GNG4: variants seen among roughly 807,000 people sequenced by gnomAD.
GNG4 encodes guanine nucleotide-binding protein G(I)/G(S)/G(O) subunit gamma-4.
In GNG4, 4 loss-of-function variants were observed where a neutral mutation model predicts 5.8. The observed-to-expected ratio is 0.69, with a 90% CI of 0.34 to 1.57. GNG4 has a LOEUF of 1.57. Among genes scored for constraint, GNG4 ranks in the 40% most tolerant of loss-of-function variants. The pLI is 0.06. For missense variants in GNG4, 96 were observed against 95.1 expected (o/e 1.01, Z -0.04); for synonymous variants, 29 against 32.9 (o/e 0.88, Z 0.41).
chr1:235,563,105 T>C (rs2102919615), intron 3 of GNG4, among the ~76,000 whole-genome samples: 1 of 152,210 alleles, frequency 6.6e-6, no homozygotes, highest in Admixed American at 6.5e-5. Context: ...TGTTCCATGG[T>C]CTTTATTTCT....
At chr1:235,601,212 A>G (rs1481179034) in intron 1 of GNG4, among the ~76,000 whole-genome samples, 1 of 152,218 alleles carries the variant, frequency 6.6e-6, no homozygotes, top group East Asian at 1.9e-4. Flanking sequence ...GTGGGCTGAC[A>G]TCTGAAATAC....
intron 2 of GNG4, among the ~76,000 whole-genome samples, chr1:235,589,645 TGGGACATCAG>T (rs1206866725): frequency 2.5e-4 from 38 of 152,266 alleles, no homozygotes; most frequent in East Asian, 1.2e-3. Context: ...TCCTCCTCAA[TGGGACATCAG>T]GGGAAATCTG....
At chr1:235,564,826 C>A (rs928476603) in intron 3 of GNG4, among the ~76,000 whole-genome samples, 1 of 152,184 alleles carries the variant, frequency 6.6e-6, no homozygotes, top group Admixed American at 6.5e-5. Flanking sequence ...GCTGGGACCA[C>A]AGGCGTGTGC....
Position 235,642,438 on chromosome 1 carries a change from A to G in GNG4, c.-123+7224T>C, listed in dbSNP as rs1004412710. On this transcript the variant is annotated intron_variant, in intron 1 of 3. Transcript: ENST00000391854. The surrounding 1 kb of genome is among the most constrained non-coding windows in gnomAD (Gnocchi z 4.3). Reference sequence around the variant, plus strand: ...GATTCCCCGACGTGGGCCTGCAGCAAGAGACGGGTGCTAACAGCGTCCGAG... The same window carrying G: ...GATTCCCCGACGTGGGCCTGCAGCAGGAGACGGGTGCTAACAGCGTCCGAG... Among the ~76,000 whole-genome samples, 1 of 152,212 alleles carries G rather than the reference A, an allele frequency of 6.6e-6. No individual in the cohort carries two copies. Among genetic ancestry groups the G allele is most frequent in the Non-Finnish European group, 1.5e-5 (1 of 68,028 alleles).
intron 1 of GNG4, among the ~76,000 whole-genome samples, chr1:235,637,343 G>T (rs891683555): frequency 6.6e-6 from 1 of 152,094 alleles, no homozygotes; most frequent in Non-Finnish European, 1.5e-5. Flanking sequence ...GAAGATGGGG[G>T]ATGCTTTATA....
intron 1 of GNG4, among the ~76,000 whole-genome samples, chr1:235,613,298 T>C (rs1688520903): frequency 6.6e-6 from 1 of 152,214 alleles, no homozygotes; most frequent in Admixed American, 6.5e-5. Flanking sequence ...ACATATAGCA[T>C]CTTAACTGGT....
chr1:235,622,104 C>T (rs766086789), intron 1 of GNG4, among the ~76,000 whole-genome samples: 17 of 152,190 alleles, frequency 1.1e-4, no homozygotes, highest in Non-Finnish European at 1.8e-4. Context: ...AAAAATGAAA[C>T]GAAATAAAAT....
At chr1:235,580,236 G>C (rs747314715) in intron 3 of GNG4, among the ~76,000 whole-genome samples, 4 of 152,216 alleles carry the variant, frequency 2.6e-5, no homozygotes, top group Non-Finnish European at 4.4e-5. Flanking sequence ...GAAAAAGGTA[G>C]AACGGTGGTC....
chr1:235,563,923 C>G (rs1687130862), intron 3 of GNG4, among the ~76,000 whole-genome samples: 1 of 152,088 alleles, frequency 6.6e-6, no homozygotes, highest in Non-Finnish European at 1.5e-5. Context: ...AGTGCTGTTC[C>G]CAGAAGATGA....
At chr1:235,593,499 G>A (rs952718995) in intron 2 of GNG4, among the ~76,000 whole-genome samples, 7 of 152,216 alleles carry the variant, frequency 4.6e-5, no homozygotes, top group African/African-American at 1.2e-4. Flanking sequence ...CGGCCTTCCG[G>A]ACAATGCCCA....
At chr1:235,649,855 AG>A (rs1657624183), upstream of GNG4, 1 of 142,024 alleles carries the variant, frequency 7.0e-6, no homozygotes, top group South Asian at 2.3e-4. The surrounding 1 kb of genome is among the most constrained non-coding windows in gnomAD (Gnocchi z 5.7). Flanking sequence ...CCCGCCCTGC[AG>A]GGCCCGACCA....
intron 1 of GNG4, among the ~76,000 whole-genome samples, chr1:235,641,434 T>C (rs1657325408): frequency 6.7e-6 from 1 of 149,440 alleles, no homozygotes; most frequent in South Asian, 2.1e-4. Flanking sequence ...CTCACGCCCG[T>C]AATCCCAGCA....
rs140552829 is a variant in GNG4, at chr1:235,631,486, C to A, written c.-123+18176G>T. ...GGCTGGTGGGCATTGATGCTCTGAG[C>A]GGAGGCTCGGTGCCTGGACCCTAAA... On this transcript the variant is annotated intron_variant, in intron 1 of 3. Transcript: ENST00000391854. Among the ~76,000 whole-genome samples the A allele has an allele frequency of 5.4e-3, 823 of 152,274 alleles. 10 individuals carry two copies. Among genetic ancestry groups the A allele is most frequent in the African/African-American group, 0.019 (796 of 41,564 alleles).
chr1:235,643,555 G>A (rs990389554), intron 1 of GNG4, among the ~76,000 whole-genome samples: 9 of 152,158 alleles, frequency 5.9e-5, no homozygotes, highest in Non-Finnish European at 1.3e-4. Context: ...TTTATTGCAG[G>A]TGCTTATCAC....
rs546307384 is a variant in GNG4 at position 235,614,061 on chromosome 1, C to T, written c.-122-18550G>A. 2.0e-5 allele frequency among the ~76,000 whole-genome samples: 3 copies of T among 152,324 alleles called. No individual in the cohort carries two copies. In the South Asian group the frequency reaches 6.2e-4, roughly 32 times the overall value. On this transcript the variant is annotated intron_variant, in intron 1 of 3. Coordinates refer to ENST00000391854, the MANE Select transcript of GNG4 (RefSeq NM_001098722.2). The stretch of plus-strand genomic sequence containing the variant: ...ATCCTGAGCTCAAGTGATCTGCCTG[C>T]CTCAGCCTTCCAAAGTGTTGGAATT...
intron 1 of GNG4, among the ~76,000 whole-genome samples, chr1:235,602,862 C>T (rs17547995): frequency 0.3 from 45,206 of 152,026 alleles, 7,131 homozygotes; most frequent in South Asian, 0.39. Flanking sequence ...GAAAAATTGG[C>T]TTTGAATTGT....
At chr1:235,593,832 T>G (rs1048576220) in intron 2 of GNG4, among the ~76,000 whole-genome samples, 1 of 152,162 alleles carries the variant, frequency 6.6e-6, no homozygotes, top group African/African-American at 2.4e-5. Context: ...TGGTGAGTGT[T>G]ACAGCTCATA....
intron 1 of GNG4, among the ~76,000 whole-genome samples, chr1:235,628,429 C>T (rs1026859259): frequency 5.3e-5 from 8 of 151,318 alleles, no homozygotes; most frequent in African/African-American, 2.0e-4. Context: ...GGGGGGGTTA[C>T]AAGACCCTAG....
intron 1 of GNG4, among the ~76,000 whole-genome samples, chr1:235,624,904 G>A (rs1374249542): frequency 1.3e-5 from 2 of 152,210 alleles, no homozygotes; most frequent in African/African-American, 4.8e-5. Flanking sequence ...ATTGCAGCTT[G>A]TGGGAATGTC....
Sources: allele counts gnomAD v4.1 joint callset (sites outside exome capture counted in the v4.1 genomes callset), GRCh38; gene constraint gnomAD v4.1.1; non-coding constraint Gnocchi (gnomAD v3.1); transcripts MANE v1.5; gene names NCBI Gene and HGNC (gene_info 2026-07-23, HGNC 2026-07-21).